The following FAM184A variants were observed in gnomAD, a reference collection of about 807,000 sequenced individuals.
The protein encoded by FAM184A is protein FAM184A.
FAM184A carries 99 observed loss-of-function variants against 143.8 expected under a neutral mutation model. The observed-to-expected ratio is 0.69, with a 90% CI of 0.58 to 0.81. FAM184A has a LOEUF of 0.81. Ranked by LOEUF, FAM184A falls within the 40% of genes least tolerant of loss-of-function variation. The pLI is 0.00. For synonymous variants in FAM184A, 427 were observed against 446.4 expected, an observed-to-expected ratio of 0.96 and a Z score of 0.55; for missense variants, 1,217 against 1,310.5, an observed-to-expected ratio of 0.93 and a Z score of 1.10.
In FAM184A at chr6:119,039,071, A is replaced by G. The variant is rs572223198; in HGVS notation, c.160-14258T>C. ...GTATATGAAAATATGCTTAACATCA[A>G]TAATGATTTGCATATTAAAATAGTA... On this transcript the variant is annotated intron_variant, in intron 1 of 17. Transcript: ENST00000338891. Among the ~76,000 whole-genome samples, 6 of 152,384 alleles carry G rather than the reference A, an allele frequency of 3.9e-5. No individual in the cohort carries two copies. In the South Asian group the frequency reaches 1.0e-3, roughly 26 times the overall value.
chr6:119,115,454 G>A (rs1343917483), intron 1 of FAM184A, among the ~76,000 whole-genome samples: 1 of 152,180 alleles, frequency 6.6e-6, no homozygotes, highest in African/African-American at 2.4e-5. Flanking sequence ...CACTTTGGGA[G>A]GCCAAGGCAG....
At chr6:119,136,959 G>A (rs1162960482) in intron 1 of FAM184A, among the ~76,000 whole-genome samples, 1 of 152,200 alleles carries the variant, frequency 6.6e-6, no homozygotes, top group Non-Finnish European at 1.5e-5. Context: ...TGGCAAAATT[G>A]CAGATAGCTA....
At chr6:119,046,053 T>C (rs376146425) in intron 1 of FAM184A, among the ~76,000 whole-genome samples, 1 of 152,190 alleles carries the variant, frequency 6.6e-6, no homozygotes, top group South Asian at 2.1e-4. Flanking sequence ...GGAAAAACAT[T>C]CCATCCTTTA....
chr6:119,038,128 G>A (rs2114721649), intron 1 of FAM184A, among the ~76,000 whole-genome samples: 1 of 152,250 alleles, frequency 6.6e-6, no homozygotes, highest in East Asian at 1.9e-4. Flanking sequence ...TTTCTAGTTT[G>A]CAAAGGGCAG....
chr6:119,020,578 T>C (rs970605657), intron 3 of FAM184A, among the ~76,000 whole-genome samples: 1 of 152,200 alleles, frequency 6.6e-6, no homozygotes, highest in Non-Finnish European at 1.5e-5. Flanking sequence ...GAGTGATTCG[T>C]TCTTTTCTAA....
chr6:119,054,582 T>C lies in FAM184A; in HGVS notation c.159+23559A>G, dbSNP rs554463942. ...ATTCTATTACACTGGGGATTAGATT[T>C]CAACATATGAAGTTTGGGGGACATA... is the stretch of plus-strand genomic sequence containing the variant. On this transcript the variant is annotated intron_variant, in intron 1 of 17. Coordinates refer to ENST00000338891, the MANE Select transcript of FAM184A (RefSeq NM_024581.6). 2.0e-5 allele frequency among the ~76,000 whole-genome samples: 3 copies of C among 152,318 alleles called. No individual in the cohort carries two copies. In the South Asian group the frequency reaches 6.2e-4, roughly 32 times the overall value.
In FAM184A at chr6:118,966,931, T is replaced by G; in HGVS notation, c.2937A>C (p.Lys979Asn). 4 of 1,538,392 alleles carry G rather than the reference T, an allele frequency of 2.6e-6. No individual in the cohort carries two copies. Among genetic ancestry groups the G allele is most frequent in the Non-Finnish European group, 3.6e-6 (4 of 1,117,734 alleles). The change falls in exon 15 of 18, where the codon AAA (lysine) becomes AAC (asparagine). Residue 979 changes from lysine (K) to asparagine (N), a missense_variant. Coordinates refer to ENST00000338891, the MANE Select transcript of FAM184A (RefSeq NM_024581.6). ...LQVSLEEMEE[K>N]YLMRESKPED... Reference sequence around the variant, plus strand: ...CTGGTTTTGATTCTCTCATTAGATATTTTTCTTCCATTTCTTCTAATCTGA... The same window carrying G: ...CTGGTTTTGATTCTCTCATTAGATAGTTTTCTTCCATTTCTTCTAATCTGA...
intron 14 of FAM184A, among the ~76,000 whole-genome samples, chr6:118,970,008 A>ATATATATATATATTTTTT: frequency 5.2e-5 from 1 of 19,048 alleles, no homozygotes; most frequent in South Asian, 1.7e-3. Flanking sequence ...ATATATATAT[A>ATATATATATATATTTTTT]TTTTTTTTTT....
At position 119,043,564 on chromosome 6, in the gene FAM184A, T is replaced by C. The variant is rs913346903; in HGVS notation, c.160-18751A>G. On this transcript the variant is annotated intron_variant, in intron 1 of 17. Transcript: ENST00000338891. ...AGCACAAAAACTACCCAGATCCTTC[T>C]CATCTAAGGAACAAAAGCCATAAGC... Among the ~76,000 whole-genome samples, 15 of 151,188 alleles carry C rather than the reference T, an allele frequency of 9.9e-5. No individual in the cohort carries two copies. In the East Asian group the frequency reaches 2.9e-3, roughly 29 times the overall value.
intron 9 of FAM184A, among the ~76,000 whole-genome samples, chr6:118,993,722 T>C (rs1243590715): frequency 6.6e-6 from 1 of 152,332 alleles, no homozygotes; most frequent in East Asian, 1.9e-4. Flanking sequence ...AACATATTAT[T>C]TGTCCGGAAA....
At chr6:118,965,204 T>TG (rs1491476127) in intron 15 of FAM184A, among the ~76,000 whole-genome samples, 3 of 39,926 alleles carry the variant, frequency 7.5e-5, no homozygotes, top group Admixed American at 8.0e-4. Context: ...TTTTTTTGTT[T>TG]GTTTTTTTTT....
At chr6:118,979,859 A>G (rs1462363370) in intron 10 of FAM184A, among the ~76,000 whole-genome samples, 1 of 151,060 alleles carries the variant, frequency 6.6e-6, no homozygotes, top group Non-Finnish European at 1.5e-5. Context: ...CCTGGGCAAC[A>G]TAGCGAGACC....
At chr6:119,122,641 G>C (rs138138038) in intron 1 of FAM184A, among the ~76,000 whole-genome samples, 2,163 of 152,288 alleles carry the variant, frequency 0.014, 46 homozygotes, top group African/African-American at 0.05. Context: ...ATGGCATTGG[G>C]AGGGGCGCGG....
Position 118,960,045 on chromosome 6 carries a change from C to T in FAM184A, c.*58G>A. The T allele has an allele frequency of 7.4e-7, 1 of 1,354,906 alleles. No homozygotes were observed. The highest frequency in any genetic ancestry group is 1.0e-6 in the Non-Finnish European group (1 of 970,860). 83.9% of individuals were successfully genotyped at this position (1,354,906 alleles called of 1,614,324 possible). The stretch of plus-strand genomic sequence containing the variant: ...TAGGAAAGCCTATTTACATAACAAT[C>T]TGTATAAAGTCATGCTCTTAGTAAC... On this transcript the variant is annotated 3_prime_UTR_variant, in exon 18 of 18. Transcript: ENST00000338891.
intron 1 of FAM184A, among the ~76,000 whole-genome samples, chr6:119,134,169 T>C (rs1190117503): frequency 1.3e-5 from 2 of 151,880 alleles, no homozygotes; most frequent in Non-Finnish European, 2.9e-5. Context: ...ACCTAGAATA[T>C]AAAACTTTGA....
chr6:119,002,962 T>C lies in FAM184A; in HGVS notation c.2025A>G (p.Lys675=). The part of the protein sequence containing the change: ...KSAMSQLLQL[K]DREKNAARDS... ...CTCTTGCTGCATTTTTCTCTCGATC[T>C]TTCAACTGCAAAAGTTGAGACATTG... Residue 675 remains lysine (K), a synonymous_variant, in exon 9 of 18, where the codon AAA becomes AAG. Coordinates refer to ENST00000338891, the MANE Select transcript of FAM184A (RefSeq NM_024581.6). The C allele has an allele frequency of 1.9e-6, 3 of 1,613,006 alleles. No homozygotes were observed. The highest frequency in any genetic ancestry group is 2.5e-6 in the Non-Finnish European group (3 of 1,179,632).
At chr6:119,060,019 T>C (rs1260669963) in intron 1 of FAM184A, among the ~76,000 whole-genome samples, 1 of 152,210 alleles carries the variant, frequency 6.6e-6, no homozygotes, top group Non-Finnish European at 1.5e-5. Flanking sequence ...AATCACAGTG[T>C]ATATGACTCT....
chr6:119,027,980 GA>G (rs1464966415), intron 1 of FAM184A, among the ~76,000 whole-genome samples: 1 of 152,160 alleles, frequency 6.6e-6, no homozygotes, highest in Non-Finnish European at 1.5e-5. Flanking sequence ...TACCATCTGT[GA>G]GTGCCCCCCA....
chr6:118,984,201 A>ATATATTTG (rs1554265815), intron 9 of FAM184A, among the ~76,000 whole-genome samples: 1 of 140,034 alleles, frequency 7.1e-6, no homozygotes, highest in Non-Finnish European at 1.5e-5. Context: ...TTATATTTAT[A>ATATATTTG]TATATTTATA....
Sources: allele counts gnomAD v4.1 joint callset (sites outside exome capture counted in the v4.1 genomes callset), GRCh38; gene constraint gnomAD v4.1.1; transcripts MANE v1.5; gene names NCBI Gene and HGNC (gene_info 2026-07-23, HGNC 2026-07-21).